Variants in MUCL1 observed in about 807,000 individuals in gnomAD.
The protein encoded by MUCL1 is mucin like 1.
In MUCL1, 11 loss-of-function variants were observed where a neutral mutation model predicts 9.2. That is an observed-to-expected ratio of 1.19 (90% CI 0.75 to 1.97). The LOEUF (loss-of-function observed/expected upper bound fraction) is 1.97. MUCL1 is among the 30% of genes most tolerant of loss of function. The pLI is 0.00. For missense variants in MUCL1, 144 were observed against 110.9 expected (o/e 1.30, Z -1.34); for synonymous variants, 48 against 40.5 (o/e 1.19, Z -0.71).
chr12:54,839,045 G>T (rs893019621), upstream of MUCL1, among the ~76,000 whole-genome samples: 7 of 151,924 alleles, frequency 4.6e-5, no homozygotes, highest in Admixed American at 4.6e-4. Flanking sequence ...TCTCACTTGG[G>T]TAGACTATTT....
At chr12:54,844,323 TTAGA>T (rs1185516775) in intron 1 of MUCL1, among the ~76,000 whole-genome samples, 2 of 152,162 alleles carry the variant, frequency 1.3e-5, no homozygotes, top group East Asian at 1.9e-4. Flanking sequence ...AAGGTTTCTG[TTAGA>T]TAGATTTTTT....
At chr12:54,856,736 C>T (rs1868302079) in intron 2 of MUCL1, 34 bp from the exon 3 acceptor site, 1 of 1,576,016 alleles carries the variant, frequency 6.3e-7, no homozygotes, top group Non-Finnish European at 8.6e-7. Context: ...CAGAAGGAGT[C>T]AGTCTCACCT....
At chr12:54,837,503 T>C (rs10747718), upstream of MUCL1, among the ~76,000 whole-genome samples, 144,158 of 152,130 alleles carry the variant, frequency 0.95, 68,374 homozygotes, top group East Asian at 1. Context: ...TGGTGGCTCA[T>C]GCCTGTAATC....
upstream of MUCL1, among the ~76,000 whole-genome samples, chr12:54,853,065 C>G (rs1002026821): frequency 6.6e-6 from 1 of 152,062 alleles, no homozygotes; most frequent in South Asian, 2.1e-4. Context: ...GACCTCTTAG[C>G]ATGTTTTGGG....
rs184594895 is a variant in MUCL1 at position 54,857,217 on chromosome 12, T to A, written c.223+325T>A. On this transcript the variant is annotated intron_variant, in intron 3 of 3. Coordinates refer to ENST00000308796, the MANE Select transcript of MUCL1 (RefSeq NM_058173.3). ...TAGGTAACTGCTTATTATTATTATT[T>A]TTTTAAATCAGGTAGTGTGTGTGTG... Among the ~76,000 whole-genome samples the A allele has an allele frequency of 2.2e-3, 334 of 148,654 alleles. 1 individual carries two copies. The highest frequency in any genetic ancestry group is 7.8e-3 in the African/African-American group (315 of 40,152).
intron 1 of MUCL1, 99 bp downstream of exon 1, chr12:54,854,739 T>C: frequency 9.6e-7 from 1 of 1,038,930 alleles, no homozygotes; most frequent in Non-Finnish European, 1.4e-6. Context: ...ATGTGCTTTT[T>C]TACCTCTCCT....
At chr12:54,857,279 G>A (rs551472388) in intron 3 of MUCL1, among the ~76,000 whole-genome samples, 1 of 140,384 alleles carries the variant, frequency 7.1e-6, no homozygotes, top group African/African-American at 2.6e-5. Context: ...TTTAAATCAG[G>A]CAATTTAAAA....
At chr12:54,852,309 T>A (rs988542165), upstream of MUCL1, among the ~76,000 whole-genome samples, 1 of 151,814 alleles carries the variant, frequency 6.6e-6, no homozygotes, top group African/African-American at 2.4e-5. Context: ...CAAAACAGAG[T>A]TATAGACCAA....
At chr12:54,845,958 A>T (rs1006507688) in intron 1 of MUCL1, among the ~76,000 whole-genome samples, 1 of 152,152 alleles carries the variant, frequency 6.6e-6, no homozygotes, top group African/African-American at 2.4e-5. Flanking sequence ...CATATACTGC[A>T]TTTAATTGCC....
intron 1 of MUCL1, among the ~76,000 whole-genome samples, chr12:54,847,734 G>T (rs955696590): frequency 2.6e-5 from 4 of 152,142 alleles, no homozygotes; most frequent in African/African-American, 9.7e-5. Context: ...GATAATTTTG[G>T]GGATTACTTT....
Position 54,855,155 on chromosome 12 carries a change from C to T in MUCL1, c.98C>T (p.Ala33Val), listed in dbSNP as rs1311500046. 1 of 1,613,126 alleles carries T rather than the reference C, an allele frequency of 6.2e-7. No homozygotes were observed. The highest frequency in any genetic ancestry group is 8.5e-7 in the Non-Finnish European group (1 of 1,179,408). ...TTAAPADTYP[A>V]TGPADDEAPD... ...GCTGCTCCAGCTGACACGTATCCAG[C>T]TAGTGAGTCTGCACTTGAATGTCAT... The change falls in exon 2 of 4, where the codon GCT (alanine) becomes GTT (valine). Residue 33 changes from alanine (A) to valine (V), a missense_variant and splice_region_variant. Physicochemically the swap from Ala to Val is moderately conservative, Grantham distance 64. Coordinates refer to ENST00000308796, the MANE Select transcript of MUCL1 (RefSeq NM_058173.3).
At chr12:54,853,959 G>T (rs966619342), upstream of MUCL1, among the ~76,000 whole-genome samples, 1 of 152,168 alleles carries the variant, frequency 6.6e-6, no homozygotes, top group Non-Finnish European at 1.5e-5. Flanking sequence ...AATCCAGTAA[G>T]GTCATAGTTC....
In MUCL1 at chr12:54,840,599, G is replaced by A. The variant is rs539741650; in HGVS notation, c.43+1152G>A. On this transcript the variant is annotated intron_variant, in intron 1 of 3. Transcript: ENST00000546809. The stretch of plus-strand genomic sequence containing the variant: ...AAGTTTCCGCAAGTTTCTGTCCTTT[G>A]CATTAAGCTACCAGGGCAGGTGGAG... Among the ~76,000 whole-genome samples the A allele has an allele frequency of 3.9e-5, 6 of 152,322 alleles. No individual in the cohort carries two copies. In the South Asian group the frequency reaches 1.2e-3, roughly 32 times the overall value.
chr12:54,837,593 G>A (rs192441095), upstream of MUCL1, among the ~76,000 whole-genome samples: 6 of 152,062 alleles, frequency 3.9e-5, no homozygotes, highest in Non-Finnish European at 8.8e-5. Context: ...GAGAAAACCT[G>A]TCTCTACTAA....
chr12:54,851,037 T>C (rs1333590092), upstream of MUCL1, among the ~76,000 whole-genome samples: 1 of 152,218 alleles, frequency 6.6e-6, no homozygotes, highest in Non-Finnish European at 1.5e-5. Context: ...TTTGTTTGAA[T>C]TCATTGTAGA....
intron 2 of MUCL1, among the ~76,000 whole-genome samples, chr12:54,856,498 G>A (rs534484197): frequency 6.6e-6 from 1 of 152,298 alleles, no homozygotes; most frequent in African/African-American, 2.4e-5. Context: ...TTGGTCTTTT[G>A]TGCTCATACC....
chr12:54,835,610 T>C (rs1272828657), upstream of MUCL1, among the ~76,000 whole-genome samples: 1 of 149,448 alleles, frequency 6.7e-6, no homozygotes, highest in African/African-American at 2.5e-5. Context: ...GGGATTGTTT[T>C]TTTTTTTTTT....
chr12:54,841,703 TA>T (rs1434310761), intron 1 of MUCL1, among the ~76,000 whole-genome samples: 1 of 152,226 alleles, frequency 6.6e-6, no homozygotes, highest in Non-Finnish European at 1.5e-5. Flanking sequence ...TTAGTATTTT[TA>T]GTTGTTGATT....
At chr12:54,836,083 G>A (rs1959192706), upstream of MUCL1, among the ~76,000 whole-genome samples, 1 of 152,062 alleles carries the variant, frequency 6.6e-6, no homozygotes, top group South Asian at 2.1e-4. Flanking sequence ...TGGTATCAGG[G>A]CATACTGGTT....
Sources: allele counts gnomAD v4.1 joint callset (sites outside exome capture counted in the v4.1 genomes callset), GRCh38; gene constraint gnomAD v4.1.1; transcripts MANE v1.5; gene names NCBI Gene and HGNC (gene_info 2026-07-23, HGNC 2026-07-21).